SAMMSON: variants seen among roughly 807,000 people sequenced by gnomAD.
The protein encoded by SAMMSON is long intergenic non-protein coding RNA 1212.
intron 4 of SAMMSON, chr3:70,125,309 T>G: frequency 7.5e-7 from 1 of 1,332,440 alleles, no homozygotes; most frequent in Non-Finnish European, 1.1e-6. Flanking sequence ...AAAAATATAT[T>G]TAAGGTCCTT....
intron 4 of SAMMSON, among the ~76,000 whole-genome samples, chr3:70,076,775 T>G (rs1231536446): frequency 3.3e-5 from 5 of 152,218 alleles, no homozygotes; most frequent in Non-Finnish European, 7.3e-5. Context: ...TATTAACATT[T>G]GGAATGCGTT....
At chr3:70,064,454 G>T (rs2067201978) in intron 3 of SAMMSON, among the ~76,000 whole-genome samples, 1 of 152,086 alleles carries the variant, frequency 6.6e-6, no homozygotes, top group South Asian at 2.1e-4. Flanking sequence ...ATCCGACCAA[G>T]TCTATAAAGA....
At chr3:70,296,109 G>T (rs1702287153) in intron 7 of SAMMSON, among the ~76,000 whole-genome samples, 1 of 152,138 alleles carries the variant, frequency 6.6e-6, no homozygotes, top group African/African-American at 2.4e-5. Context: ...TTAGTGGTAG[G>T]GAAAGGGTGA....
At chr3:70,151,792 T>G (rs535410685) in intron 4 of SAMMSON, among the ~76,000 whole-genome samples, 1 of 152,186 alleles carries the variant, frequency 6.6e-6, no homozygotes, top group South Asian at 2.1e-4. Context: ...TGCTTTCTGC[T>G]TTTATTGTCA....
intron 4 of SAMMSON, among the ~76,000 whole-genome samples, chr3:70,114,312 G>A (rs1456196765): frequency 6.6e-6 from 1 of 152,202 alleles, no homozygotes; most frequent in Non-Finnish European, 1.5e-5. Flanking sequence ...GTGTACAAGG[G>A]TCTAGATCTT....
intron 7 of SAMMSON, among the ~76,000 whole-genome samples, chr3:70,303,289 G>A (rs1415193642): frequency 6.6e-6 from 1 of 152,112 alleles, no homozygotes; most frequent in African/African-American, 2.4e-5. Flanking sequence ...ATTGTGTGTA[G>A]CATTATGGTG....
At chr3:70,026,233 G>A (rs975094892) in intron 3 of SAMMSON, among the ~76,000 whole-genome samples, 9 of 152,276 alleles carry the variant, frequency 5.9e-5, no homozygotes, top group Admixed American at 5.2e-4. Flanking sequence ...AATATATTCT[G>A]TTTTAACTTC....
intron 6 of SAMMSON, among the ~76,000 whole-genome samples, chr3:70,280,947 C>A (rs912298492): frequency 6.6e-6 from 1 of 152,116 alleles, no homozygotes; most frequent in African/African-American, 2.4e-5. Flanking sequence ...TCATATCATA[C>A]CCTTTTTGTG....
chr3:70,000,568 TAGC>T (rs1350476451), intron 1 of SAMMSON, among the ~76,000 whole-genome samples: 1 of 152,170 alleles, frequency 6.6e-6, no homozygotes, highest in African/African-American at 2.4e-5. Context: ...GTTTAGCAAA[TAGC>T]AGGAGTGTAT....
chr3:70,429,964 A>C (rs1284113332), intron 2 of SAMMSON, among the ~76,000 whole-genome samples: 1 of 152,110 alleles, frequency 6.6e-6, no homozygotes, highest in African/African-American at 2.4e-5. Flanking sequence ...TTATTTGTTT[A>C]TCTTGCCTGA....
intron 3 of SAMMSON, among the ~76,000 whole-genome samples, chr3:70,067,778 G>A (rs2067215315): frequency 6.6e-6 from 1 of 152,112 alleles, no homozygotes; most frequent in Non-Finnish European, 1.5e-5. Context: ...GAATTTTCAT[G>A]CCAGAGGTTG....
At chr3:70,263,014 A>T (rs891639043) in intron 6 of SAMMSON, among the ~76,000 whole-genome samples, 4 of 152,060 alleles carry the variant, frequency 2.6e-5, no homozygotes, top group Non-Finnish European at 5.9e-5. Flanking sequence ...TAGGTATTGC[A>T]TTTCTCTAAA....
At chr3:70,377,398 T>A (rs1404256028) in intron 9 of SAMMSON, among the ~76,000 whole-genome samples, 1 of 152,008 alleles carries the variant, frequency 6.6e-6, no homozygotes, top group Non-Finnish European at 1.5e-5. Context: ...AGAGGAAGAG[T>A]GATTTATTCA....
chr3:70,017,103 G>T (rs1348360712), intron 3 of SAMMSON, among the ~76,000 whole-genome samples: 1 of 152,104 alleles, frequency 6.6e-6, no homozygotes, highest in African/African-American at 2.4e-5. Flanking sequence ...CTTTAAAGTA[G>T]TTTTTTCCAA....
At chr3:70,307,328 C>T (rs777853854) in intron 7 of SAMMSON, among the ~76,000 whole-genome samples, 6 of 152,108 alleles carry the variant, frequency 3.9e-5, no homozygotes, top group South Asian at 2.1e-4. Flanking sequence ...GCACTTCAAA[C>T]GCTGACAATG....
chr3:70,342,593 C>T lies in SAMMSON; in HGVS notation n.740-11582C>T, dbSNP rs1354839213. The stretch of plus-strand genomic sequence containing the variant: ...TGATTGATTAATGGCTAACTGCGAG[C>T]TACATTTTCCAATGGAATCCCAAGT... On this transcript the variant is annotated intron_variant and non_coding_transcript_variant, in intron 7 of 9. Transcript: ENST00000642114. Among the ~76,000 whole-genome samples, 21 of 152,128 alleles carry T rather than the reference C, an allele frequency of 1.4e-4. 1 individual carries two copies. The highest frequency in any genetic ancestry group is 2.9e-5 in the Non-Finnish European group (2 of 68,028).
chr3:70,279,819 G>C (rs1265383844), intron 6 of SAMMSON, among the ~76,000 whole-genome samples: 1 of 152,116 alleles, frequency 6.6e-6, no homozygotes, highest in African/African-American at 2.4e-5. Context: ...ATATCTTTTG[G>C]AGAAGTCTCC....
At chr3:70,149,609 T>C (rs1454440220) in intron 4 of SAMMSON, among the ~76,000 whole-genome samples, 1 of 152,104 alleles carries the variant, frequency 6.6e-6, no homozygotes, top group Non-Finnish European at 1.5e-5. Flanking sequence ...TGATGCATGC[T>C]AAGATTTGAC....
At chr3:70,154,875 T>C (rs971581549) in intron 4 of SAMMSON, among the ~76,000 whole-genome samples, 8 of 151,956 alleles carry the variant, frequency 5.3e-5, no homozygotes, top group Admixed American at 1.3e-4. Context: ...ACAACTTAAA[T>C]ATAGGCTGGA....
Sources: allele counts gnomAD v4.1 joint callset (sites outside exome capture counted in the v4.1 genomes callset), GRCh38; gene constraint gnomAD v4.1.1; transcripts MANE v1.5; gene names NCBI Gene and HGNC (gene_info 2026-07-23, HGNC 2026-07-21).